ST8SIA5: variants seen among roughly 807,000 people sequenced by gnomAD.
ST8SIA5 encodes the protein ST8 alpha-N-acetyl-neuraminide alpha-2,8-sialyltransferase 5.
A neutral mutation model predicts 40.2 loss-of-function variants in ST8SIA5; 24 were observed. The observed-to-expected ratio is 0.60, with a 90% CI of 0.43 to 0.84. ST8SIA5 has a LOEUF of 0.84. ST8SIA5 is among the 40% of genes least tolerant of loss of function. The pLI is 0.00. For synonymous variants in ST8SIA5, 198 were observed against 201.8 expected (o/e 0.98, Z 0.16); for missense variants, 465 against 498.5 (o/e 0.93, Z 0.64).
At chr18:46,702,815 G>C (rs2039631495) in intron 2 of ST8SIA5, among the ~76,000 whole-genome samples, 1 of 152,276 alleles carries the variant, frequency 6.6e-6, no homozygotes, top group Non-Finnish European at 1.5e-5. Flanking sequence ...GGGCACCACA[G>C]TGGTATGTGT....
Position 46,679,406 on chromosome 18 carries a change from G to C in ST8SIA5, c.*636C>G, listed in dbSNP as rs569802418. 2.6e-5 allele frequency: 4 copies of C among 153,676 alleles called. No homozygotes were observed. The East Asian group carries it at 5.8e-4, about 22-fold the overall frequency. 9.5% of individuals were successfully genotyped at this position (153,676 alleles called of 1,614,324 possible). A position where few individuals can be genotyped will look rare whatever the true frequency, so the allele number is the denominator to read the frequency against. The stretch of plus-strand genomic sequence containing the variant: ...AAGACATAACCCAGGCCTTGGGTTA[G>C]ATCTCTCGGTGTCACAGAAGAACCT... On this transcript the variant is annotated 3_prime_UTR_variant, in exon 7 of 7. Transcript: ENST00000315087.
At chr18:46,731,181 G>T (rs1218916767) in intron 1 of ST8SIA5, among the ~76,000 whole-genome samples, 1 of 152,198 alleles carries the variant, frequency 6.6e-6, no homozygotes, top group African/African-American at 2.4e-5. Context: ...TCTCTTAGCA[G>T]ATTGCCTGTG....
intron 1 of ST8SIA5, among the ~76,000 whole-genome samples, chr18:46,714,433 A>G (rs996509247): frequency 4.6e-5 from 7 of 152,186 alleles, no homozygotes; most frequent in African/African-American, 9.7e-5. Context: ...GGGAGGAAGC[A>G]CAGGATCGTG....
chr18:46,684,906 C>G (rs994609406), intron 5 of ST8SIA5, among the ~76,000 whole-genome samples: 1 of 151,972 alleles, frequency 6.6e-6, no homozygotes. Flanking sequence ...GATTCTTGAG[C>G]TAAGCTTGGA....
At chr18:46,721,519 G>C in intron 1 of ST8SIA5, 1 of 1,458,066 alleles carries the variant, frequency 6.9e-7, no homozygotes, top group Non-Finnish European at 9.3e-7. Flanking sequence ...GCTGGGTTAA[G>C]CCTGCCTACC....
At chr18:46,683,032 A>AT (rs968748661) in intron 5 of ST8SIA5, among the ~76,000 whole-genome samples, 3 of 152,192 alleles carry the variant, frequency 2.0e-5, no homozygotes, top group Non-Finnish European at 2.9e-5. Context: ...ATTTGGTGGT[A>AT]TTTTTTTATA....
At chr18:46,699,332 T>C (rs547318446) in intron 2 of ST8SIA5, among the ~76,000 whole-genome samples, 11 of 152,314 alleles carry the variant, frequency 7.2e-5, no homozygotes, top group African/African-American at 2.2e-4. Flanking sequence ...TGGGCACTAA[T>C]TGTAATGAAA....
In ST8SIA5 at chr18:46,676,127, G is replaced by T. The variant is rs1044948683; in HGVS notation, c.*3915C>A. 1 of 152,168 alleles carries T rather than the reference G, an allele frequency of 6.6e-6. No individual in the cohort carries two copies. The allele number at this position is 152,168 out of a possible 1,614,324, so 9.4% of individuals were successfully genotyped here. ...TACACGGATGTCAAGGATGATATCTGAGAAGTATCTGCTGCTTTGCTCATT... is the reference window on the plus strand; with the variant it reads ...TACACGGATGTCAAGGATGATATCTTAGAAGTATCTGCTGCTTTGCTCATT... On this transcript the variant is annotated 3_prime_UTR_variant, in exon 7 of 7. Coordinates refer to ENST00000315087, the MANE Select transcript of ST8SIA5 (RefSeq NM_013305.6).
intron 4 of ST8SIA5, among the ~76,000 whole-genome samples, chr18:46,686,741 A>G (rs1258192017): frequency 6.6e-6 from 1 of 151,036 alleles, no homozygotes; most frequent in Non-Finnish European, 1.5e-5. Context: ...CCAGTGAGCC[A>G]AGGCGGGGAA....
At chr18:46,727,242 T>C (rs2039940192) in intron 1 of ST8SIA5, among the ~76,000 whole-genome samples, 1 of 152,242 alleles carries the variant, frequency 6.6e-6, no homozygotes, top group African/African-American at 2.4e-5. Context: ...CTGTCTGGAT[T>C]TTCTGATTAT....
At chr18:46,683,169 A>G (rs2039414496) in intron 5 of ST8SIA5, among the ~76,000 whole-genome samples, 1 of 152,198 alleles carries the variant, frequency 6.6e-6, no homozygotes, top group African/African-American at 2.4e-5. Flanking sequence ...AATTCAAGGT[A>G]GCGATACCTT....
intron 2 of ST8SIA5, among the ~76,000 whole-genome samples, chr18:46,701,630 C>T (rs1291175215): frequency 6.6e-6 from 1 of 152,164 alleles, no homozygotes; most frequent in East Asian, 1.9e-4. Flanking sequence ...GCCAGCTCTG[C>T]AGTATCTTCA....
intron 2 of ST8SIA5, among the ~76,000 whole-genome samples, chr18:46,696,506 C>T (rs2039558130): frequency 6.6e-6 from 1 of 152,242 alleles, no homozygotes; most frequent in Non-Finnish European, 1.5e-5. Context: ...AGGTCAGGGC[C>T]TGGGACACCC....
chr18:46,747,058 T>C (rs943713573), intron 1 of ST8SIA5, among the ~76,000 whole-genome samples: 8 of 152,056 alleles, frequency 5.3e-5, no homozygotes, highest in African/African-American at 1.9e-4. Context: ...ACACATTATA[T>C]AAAAATTAAT....
intron 1 of ST8SIA5, among the ~76,000 whole-genome samples, chr18:46,714,939 C>T (rs2039771839): frequency 6.6e-6 from 1 of 152,290 alleles, no homozygotes; most frequent in South Asian, 2.1e-4. Flanking sequence ...CCTGGAGCAA[C>T]CCTGACTTAA....
At chr18:46,710,423 TTCTC>T (rs1309164789) in intron 1 of ST8SIA5, among the ~76,000 whole-genome samples, 2 of 124,690 alleles carry the variant, frequency 1.6e-5, no homozygotes, top group African/African-American at 2.9e-5. Context: ...TTCTTTTTCT[TTCTC>T]TCTCTTTCTT....
intron 1 of ST8SIA5, among the ~76,000 whole-genome samples, chr18:46,732,041 C>T (rs1316096248): frequency 6.6e-6 from 1 of 152,186 alleles, no homozygotes; most frequent in Non-Finnish European, 1.5e-5. Context: ...CGGGTTGCCA[C>T]TTTGCTCATT....
chr18:46,714,969 G>A (rs1480657897), intron 1 of ST8SIA5, among the ~76,000 whole-genome samples: 2 of 152,148 alleles, frequency 1.3e-5, no homozygotes, highest in African/African-American at 4.8e-5. Flanking sequence ...GTCTCCCAGT[G>A]CCAACAACTC....
intron 1 of ST8SIA5, 127 bp downstream of exon 1, chr18:46,756,251 C>CG: frequency 7.4e-7 from 1 of 1,348,616 alleles, no homozygotes; most frequent in Non-Finnish European, 9.9e-7. Context: ...CGGCCATGCT[C>CG]GGGGCTAGGA....
Sources: allele counts gnomAD v4.1 joint callset (sites outside exome capture counted in the v4.1 genomes callset), GRCh38; gene constraint gnomAD v4.1.1; transcripts MANE v1.5; gene names NCBI Gene and HGNC (gene_info 2026-07-23, HGNC 2026-07-21).